HDAC9: variants seen among roughly 807,000 people sequenced by gnomAD.
HDAC9 encodes the protein histone deacetylase 9.
HDAC9 carries 41 observed loss-of-function variants against 139.4 expected under a neutral mutation model. That is an observed-to-expected ratio of 0.29 (90% CI 0.23 to 0.38). The LOEUF (loss-of-function observed/expected upper bound fraction) is 0.38. Ranked by LOEUF, HDAC9 falls within the 10% of genes least tolerant of loss-of-function variation. HDAC9 has a pLI of 1.00. For synonymous variants in HDAC9, 517 were observed against 476.2 expected, an observed-to-expected ratio of 1.09 and a Z score of -1.12; for missense variants, 1,147 against 1,297.0, an observed-to-expected ratio of 0.88 and a Z score of 1.78.
chr7:18,647,953 T>C lies in HDAC9; in HGVS notation c.1204T>C (p.Leu402=), dbSNP rs963967150. The change falls in exon 10 of 26, where the codon TTA becomes CTA. Residue 402 remains leucine, a synonymous_variant. Coordinates refer to ENST00000686413, the MANE Select transcript of HDAC9 (RefSeq NM_178425.4). ...CAGCCACCAGGCTCTCCTGCAGCAT[T>C]TATTATTGAAAGAACAAATGCGACA... ...NSSHQALLQH[L]LLKEQMRQQK... is the part of the protein sequence containing the mutation. 3 of 1,612,200 alleles carry C rather than the reference T, an allele frequency of 1.9e-6. No individual in the cohort carries two copies. Among genetic ancestry groups the C allele is most frequent in the Non-Finnish European group, 2.5e-6 (3 of 1,179,242 alleles).
At chr7:18,805,625 A>G (rs1185565326) in intron 17 of HDAC9, among the ~76,000 whole-genome samples, 1 of 152,244 alleles carries the variant, frequency 6.6e-6, no homozygotes, top group Non-Finnish European at 1.5e-5. Flanking sequence ...GACTGGAGGC[A>G]TGTGAAAGAG....
chr7:18,631,397 G>A (rs1451317696), intron 7 of HDAC9, among the ~76,000 whole-genome samples: 1 of 151,910 alleles, frequency 6.6e-6, no homozygotes, highest in East Asian at 1.9e-4. Flanking sequence ...GGAGGCTCCG[G>A]ACTACTGACA....
At chr7:18,952,804 C>T (rs1367300680) in intron 23 of HDAC9, among the ~76,000 whole-genome samples, 6 of 143,856 alleles carry the variant, frequency 4.2e-5, no homozygotes, top group Non-Finnish European at 6.1e-5. Context: ...TGCCACAGAG[C>T]GGTGGTGGTG....
At chr7:18,573,077 T>C (rs1463832286) in intron 2 of HDAC9, among the ~76,000 whole-genome samples, 1 of 152,236 alleles carries the variant, frequency 6.6e-6, no homozygotes, top group East Asian at 1.9e-4. Flanking sequence ...GTTATTTTTG[T>C]TTCCTGTTCA....
chr7:18,158,231 A>T (rs1309184472), intron 1 of HDAC9, among the ~76,000 whole-genome samples: 1 of 152,212 alleles, frequency 6.6e-6, no homozygotes, highest in Non-Finnish European at 1.5e-5. Context: ...TTAAAAACCA[A>T]AATGATTATT....
chr7:18,652,302 C>T (rs1789537643), intron 11 of HDAC9, among the ~76,000 whole-genome samples: 1 of 152,000 alleles, frequency 6.6e-6, no homozygotes, highest in African/African-American at 2.4e-5. Flanking sequence ...TAGAACTTCC[C>T]TCAAATACAA....
intron 22 of HDAC9, among the ~76,000 whole-genome samples, chr7:18,900,494 G>C (rs1801602598): frequency 6.6e-6 from 1 of 152,096 alleles, no homozygotes; most frequent in South Asian, 2.1e-4. Flanking sequence ...CTATATTAAG[G>C]GTTATTGCCT....
At chr7:18,746,153 A>G (rs899005835) in intron 13 of HDAC9, among the ~76,000 whole-genome samples, 2 of 152,062 alleles carry the variant, frequency 1.3e-5, no homozygotes, top group African/African-American at 4.8e-5. Flanking sequence ...TTACAGGTGT[A>G]AGGCACCGTA....
upstream of HDAC9, among the ~76,000 whole-genome samples, chr7:18,494,327 C>T (rs1796603864): frequency 6.6e-6 from 1 of 152,050 alleles, no homozygotes; most frequent in Non-Finnish European, 1.5e-5. Flanking sequence ...TTCATCAAAA[C>T]TCTGTGTCCC....
At chr7:18,283,067 A>G (rs1238687476) in intron 2 of HDAC9, among the ~76,000 whole-genome samples, 3 of 151,932 alleles carry the variant, frequency 2.0e-5, no homozygotes, top group Admixed American at 6.6e-5. Context: ...AGAAGAGTGT[A>G]TTAGTCTGTT....
intron 2 of HDAC9, among the ~76,000 whole-genome samples, chr7:18,164,199 C>G (rs1007389035): frequency 2.6e-5 from 4 of 152,064 alleles, no homozygotes; most frequent in Non-Finnish European, 4.4e-5. Context: ...AGTAAATGTG[C>G]CAGGTGGGTA....
At chr7:18,707,320 A>G (rs1481359064) in intron 12 of HDAC9, among the ~76,000 whole-genome samples, 1 of 152,198 alleles carries the variant, frequency 6.6e-6, no homozygotes, top group Non-Finnish European at 1.5e-5. Flanking sequence ...AAGTGAAGGA[A>G]GTCTTAGAAG....
intron 17 of HDAC9, among the ~76,000 whole-genome samples, chr7:18,813,701 C>T (rs564948273): frequency 1.6e-4 from 25 of 152,276 alleles, no homozygotes; most frequent in African/African-American, 6.0e-4. Context: ...AACCTTCTTG[C>T]CTCCTGTTGT....
chr7:18,275,114 A>G (rs6950126), intron 2 of HDAC9, among the ~76,000 whole-genome samples: 44,435 of 152,032 alleles, frequency 0.29, 7,065 homozygotes, highest in South Asian at 0.4. Context: ...ATTGCTCTAC[A>G]CACAGTGTTT....
At chr7:18,713,572 C>T (rs1486564324) in intron 12 of HDAC9, among the ~76,000 whole-genome samples, 1 of 152,118 alleles carries the variant, frequency 6.6e-6, no homozygotes, top group Non-Finnish European at 1.5e-5. Context: ...GCCATCACAA[C>T]AGATTTAGAA....
intron 1 of HDAC9, among the ~76,000 whole-genome samples, chr7:18,314,917 G>A (rs1040246339): frequency 1.3e-5 from 2 of 152,140 alleles, no homozygotes; most frequent in African/African-American, 4.8e-5. Context: ...TATGTGTTAA[G>A]TAGTTAATAT....
intron 1 of HDAC9, among the ~76,000 whole-genome samples, chr7:18,293,308 C>CT (rs5882655): frequency 2.4e-4 from 35 of 148,782 alleles, no homozygotes; most frequent in East Asian, 5.9e-4. Flanking sequence ...TTCTTAGATT[C>CT]TTTTTTTTTT....
chr7:18,175,067 A>T (rs1309061968), intron 2 of HDAC9, among the ~76,000 whole-genome samples: 3 of 152,182 alleles, frequency 2.0e-5, no homozygotes, highest in Non-Finnish European at 4.4e-5. Context: ...CTAGAGGTGG[A>T]GTCTACAGAG....
chr7:18,242,975 G>C (rs1416402831), intron 2 of HDAC9, among the ~76,000 whole-genome samples: 2 of 152,090 alleles, frequency 1.3e-5, no homozygotes, highest in Non-Finnish European at 2.9e-5. Flanking sequence ...TCTACTTCTG[G>C]AAAAACAAAT....
Sources: allele counts gnomAD v4.1 joint callset (sites outside exome capture counted in the v4.1 genomes callset), GRCh38; gene constraint gnomAD v4.1.1; transcripts MANE v1.5; gene names NCBI Gene and HGNC (gene_info 2026-07-23, HGNC 2026-07-21).